Variants in PPP4R2 observed in about 807,000 individuals in gnomAD.
PPP4R2 encodes protein phosphatase 4 regulatory subunit 2.
A neutral mutation model predicts 47.2 loss-of-function variants in PPP4R2; 13 were observed. The ratio of observed to expected loss-of-function variants is 0.28; its 90% CI spans 0.18 to 0.44. The LOEUF (loss-of-function observed/expected upper bound fraction) is 0.44, where lower values mean the gene tolerates loss of function less well. Ranked by LOEUF, PPP4R2 falls within the 20% of genes least tolerant of loss-of-function variation. PPP4R2 has a pLI of 1.00. For missense variants in PPP4R2, 421 were observed against 491.2 expected (o/e 0.86, Z 1.35); for synonymous variants, 151 against 163.3 (o/e 0.92, Z 0.57).
chr3:73,004,948 TGTGTGTG>T (rs1559546008), intron 2 of PPP4R2, among the ~76,000 whole-genome samples: 648 of 31,962 alleles, frequency 0.02, 9 homozygotes, highest in African/African-American at 0.055. Flanking sequence ...CGGAGTCGTG[TGTGTGTG>T]TGTGTGTGTG....
chr3:73,009,859 C>T (rs936319818), intron 2 of PPP4R2, among the ~76,000 whole-genome samples: 2 of 152,198 alleles, frequency 1.3e-5, no homozygotes, highest in Admixed American at 1.3e-4. Context: ...TTCATTTTCA[C>T]CAGCTCTCTG....
intron 2 of PPP4R2, among the ~76,000 whole-genome samples, chr3:73,040,653 T>C (rs997785934): frequency 2.0e-5 from 3 of 151,950 alleles, no homozygotes; most frequent in Admixed American, 6.6e-5. Context: ...GCTGGAATTA[T>C]AGGCGCTCAC....
At chr3:73,006,377 T>G (rs4234167) in intron 2 of PPP4R2, among the ~76,000 whole-genome samples, 80,104 of 151,562 alleles carry the variant, frequency 0.53, 21,550 homozygotes, top group African/African-American at 0.62. Context: ...TTTTGTATTT[T>G]TAGTAGAGAC....
chr3:73,049,388 A>G (rs950566711), intron 3 of PPP4R2, among the ~76,000 whole-genome samples: 3 of 152,138 alleles, frequency 2.0e-5, no homozygotes, highest in Non-Finnish European at 2.9e-5. Context: ...AATCCCAGCT[A>G]CTCGGGAGAC....
At chr3:73,056,594 T>C (rs1575884710) in intron 3 of PPP4R2, among the ~76,000 whole-genome samples, 1 of 152,214 alleles carries the variant, frequency 6.6e-6, no homozygotes, top group African/African-American at 2.4e-5. Flanking sequence ...AAAATGACTT[T>C]TAAAGCTTCT....
At chr3:73,034,668 G>A (rs992771221) in intron 2 of PPP4R2, among the ~76,000 whole-genome samples, 1 of 152,082 alleles carries the variant, frequency 6.6e-6, no homozygotes, top group African/African-American at 2.4e-5. Context: ...AGGTAGCTAG[G>A]ATTATAGGTA....
chr3:73,043,393 G>A (rs1009021548), intron 2 of PPP4R2, among the ~76,000 whole-genome samples: 1 of 152,070 alleles, frequency 6.6e-6, no homozygotes, highest in Non-Finnish European at 1.5e-5. Context: ...CATGCAAATA[G>A]CTTTTAATTA....
chr3:73,058,208 A>G (rs1270613163), intron 3 of PPP4R2, among the ~76,000 whole-genome samples: 1 of 152,108 alleles, frequency 6.6e-6, no homozygotes, highest in Non-Finnish European at 1.5e-5. Flanking sequence ...AAAGTTAAAT[A>G]AAAGTTGTGT....
chr3:73,035,791 A>G (rs989471268), intron 2 of PPP4R2, among the ~76,000 whole-genome samples: 6 of 151,950 alleles, frequency 3.9e-5, no homozygotes, highest in African/African-American at 1.5e-4. Flanking sequence ...ACGCCTGGCT[A>G]ATTTTTATAT....
chr3:73,023,655 G>A (rs939764086), intron 2 of PPP4R2, among the ~76,000 whole-genome samples: 2 of 152,158 alleles, frequency 1.3e-5, no homozygotes, highest in African/African-American at 4.8e-5. Context: ...ATCAAAGGAA[G>A]ACATGACAGT....
At chr3:73,021,380 T>G (rs1322849648) in intron 2 of PPP4R2, among the ~76,000 whole-genome samples, 4 of 151,920 alleles carry the variant, frequency 2.6e-5, no homozygotes, top group African/African-American at 9.7e-5. Context: ...ACTACAGATT[T>G]GCAACACCAT....
intron 2 of PPP4R2, among the ~76,000 whole-genome samples, chr3:73,004,975 G>C (rs1168369272): frequency 2.0e-5 from 3 of 149,208 alleles, no homozygotes; most frequent in African/African-American, 7.5e-5. Context: ...GTGTGTGTGT[G>C]TGTGTGTGTG....
chr3:72,997,960 T>A (rs1701383929), intron 1 of PPP4R2, 117 bp from the exon 2 acceptor site: 2 of 752,112 alleles, frequency 2.7e-6, no homozygotes, highest in African/African-American at 1.8e-5. Context: ...TGAGAGGCCT[T>A]ATTTTTTTAA....
Position 73,068,880 on chromosome 3 carries a change from G to A in PPP4R2, c.*3158G>A, listed in dbSNP as rs1457339416. ...AAAACCAAAGGAATTAAAAATTTTC[G>A]GTAGTGTTTCAAATTGTCTTCTGAA... is the stretch of plus-strand genomic sequence containing the variant. On this transcript the variant is annotated 3_prime_UTR_variant, in exon 9 of 9. Transcript: ENST00000356692. 5 of 151,922 alleles carry A rather than the reference G, an allele frequency of 3.3e-5. No homozygotes were observed. The South Asian group carries it at 6.2e-4, about 19-fold the overall frequency. The allele number at this position is 151,922 out of a possible 1,614,324, so 9.4% of individuals were successfully genotyped here. A position where few individuals can be genotyped will look rare whatever the true frequency, so the allele number is the denominator to read the frequency against.
intron 2 of PPP4R2, among the ~76,000 whole-genome samples, chr3:73,025,385 G>T (rs56326971): frequency 6.6e-6 from 1 of 152,030 alleles, no homozygotes; most frequent in Non-Finnish European, 1.5e-5. Flanking sequence ...GACGTTTATT[G>T]TTCTTACTAA....
At chr3:73,032,978 GCCTGAATCCTA>G (rs1171792196) in intron 2 of PPP4R2, among the ~76,000 whole-genome samples, 3 of 152,094 alleles carry the variant, frequency 2.0e-5, no homozygotes, top group Non-Finnish European at 4.4e-5. Flanking sequence ...CTCTAGACCT[GCCTGAATCCTA>G]CCAAGTTATG....
intron 1 of PPP4R2, chr3:72,997,329 C>T (rs1387185999): frequency 5.2e-6 from 2 of 383,930 alleles, no homozygotes; most frequent in East Asian, 3.8e-5. Context: ...GGGCCCCAGT[C>T]TTTCTCCCAC....
chr3:73,065,216 G>A (rs1305582914), intron 8 of PPP4R2, 75 bp downstream of exon 8: 3 of 1,428,830 alleles, frequency 2.1e-6, no homozygotes, highest in Non-Finnish European at 2.8e-6. Context: ...TTTCGTGAAA[G>A]AATTTTACGT....
At chr3:73,026,215 G>A (rs867746839) in intron 2 of PPP4R2, among the ~76,000 whole-genome samples, 1 of 152,090 alleles carries the variant, frequency 6.6e-6, no homozygotes, top group African/African-American at 2.4e-5. Flanking sequence ...TTTGTTCCCT[G>A]TGTTTTTCTT....
Sources: allele counts gnomAD v4.1 joint callset (sites outside exome capture counted in the v4.1 genomes callset), GRCh38; gene constraint gnomAD v4.1.1; transcripts MANE v1.5; gene names NCBI Gene and HGNC (gene_info 2026-07-23, HGNC 2026-07-21).